Variants in CTXND1 observed in about 807,000 individuals in gnomAD.
CTXND1 encodes the protein cortexin domain containing 1.
chr15:80,201,706 C>T lies in CTXND1; in HGVS notation c.*64G>A, dbSNP rs1054756013. 1.5e-5 allele frequency: 6 copies of T among 398,170 alleles called. No individual in the cohort carries two copies. Among genetic ancestry groups the T allele is most frequent in the East Asian group, 1.1e-4 (3 of 28,094 alleles). The allele number at this position is 398,170 out of a possible 1,614,324, so 24.7% of individuals were successfully genotyped here. On this transcript the variant is annotated 3_prime_UTR_variant, in exon 3 of 3. Transcript: ENST00000560778. ...GGATGGCAGGCTGGCAGGGAACACA[C>T]GGATGCATCCTGGGGCACAGCCACC...
intron 1 of CTXND1, among the ~76,000 whole-genome samples, chr15:80,226,669 T>C (rs762427029): frequency 2.6e-5 from 4 of 152,202 alleles, no homozygotes; most frequent in Non-Finnish European, 5.9e-5. Flanking sequence ...CCTGGCGGCC[T>C]TCTGCTGCTC....
At chr15:80,245,308 G>C (rs972898067) in intron 1 of CTXND1, among the ~76,000 whole-genome samples, 2 of 152,152 alleles carry the variant, frequency 1.3e-5, no homozygotes. Context: ...TGTTTACATC[G>C]AGACTGATGT....
intron 1 of CTXND1, among the ~76,000 whole-genome samples, chr15:80,222,411 A>G (rs1048344540): frequency 6.6e-6 from 1 of 152,154 alleles, no homozygotes; most frequent in African/African-American, 2.4e-5. Flanking sequence ...AAGCTTTAAC[A>G]ATTAATGACT....
intron 1 of CTXND1, among the ~76,000 whole-genome samples, chr15:80,210,279 T>G (rs1267391511): frequency 6.6e-6 from 1 of 152,268 alleles, no homozygotes; most frequent in Admixed American, 6.5e-5. Context: ...TGAAGTTTAG[T>G]ATTAAGCATG....
At chr15:80,238,161 C>T (rs1003982174) in intron 1 of CTXND1, among the ~76,000 whole-genome samples, 12 of 152,048 alleles carry the variant, frequency 7.9e-5, no homozygotes, top group Admixed American at 1.3e-4. Flanking sequence ...TACTAGTACA[C>T]GGTAATGTCC....
chr15:80,229,231 G>T (rs1283382148), intron 1 of CTXND1, among the ~76,000 whole-genome samples: 1 of 152,160 alleles, frequency 6.6e-6, no homozygotes, highest in Admixed American at 6.5e-5. Flanking sequence ...ACCCTGACTG[G>T]GGCTGGAAGG....
intron 1 of CTXND1, among the ~76,000 whole-genome samples, chr15:80,204,673 A>ATATATATATATATATATAT (rs1893129743): frequency 1.6e-5 from 2 of 125,128 alleles, no homozygotes; most frequent in African/African-American, 7.3e-5. Flanking sequence ...ATATATATAT[A>ATATATATATATATATATAT]CCACATTTTG....
At chr15:80,241,418 A>G (rs374518314) in intron 1 of CTXND1, among the ~76,000 whole-genome samples, 25 of 152,134 alleles carry the variant, frequency 1.6e-4, no homozygotes, top group African/African-American at 6.0e-4. Context: ...TTCTATGTCG[A>G]GAGCCCACGG....
chr15:80,199,495 A>G lies in CTXND1; in HGVS notation c.*2275T>C, dbSNP rs2041437726. 1 of 152,272 alleles carries G rather than the reference A, an allele frequency of 6.6e-6. No homozygotes were observed. The highest frequency in any genetic ancestry group is 1.5e-5 in the Non-Finnish European group (1 of 68,072). The allele number at this position is 152,272 out of a possible 1,614,324, so 9.4% of individuals were successfully genotyped here. A position where few individuals can be genotyped will look rare whatever the true frequency, so the allele number is the denominator to read the frequency against. On this transcript the variant is annotated 3_prime_UTR_variant, in exon 3 of 3. Transcript: ENST00000560778. ...TGGTTCTAGTTTGCATTGTAAATGC[A>G]TGCTGATGAGCTTTTCACAGAAATG...
chr15:80,244,962 TC>T (rs1379911101), intron 1 of CTXND1, among the ~76,000 whole-genome samples: 8 of 152,154 alleles, frequency 5.3e-5, no homozygotes, highest in Non-Finnish European at 1.5e-5. Flanking sequence ...TCAGCCCAAA[TC>T]CCATTTATCA....
At chr15:80,234,171 G>A (rs998188370) in intron 1 of CTXND1, among the ~76,000 whole-genome samples, 2 of 152,148 alleles carry the variant, frequency 1.3e-5, no homozygotes, top group Non-Finnish European at 2.9e-5. Flanking sequence ...AAGCCCAGCC[G>A]TCTTACTTCA....
In CTXND1 at chr15:80,198,581, GCAA is replaced by G. The variant is rs1225835113; in HGVS notation, c.*3186_*3188del. On this transcript the variant is annotated 3_prime_UTR_variant, in exon 3 of 3. Coordinates refer to ENST00000560778, the MANE Select transcript of CTXND1 (RefSeq NM_001352888.2). ...CTCCTCTATGCTTCAGCAGCATAAT[GCAA>G]CAACTGAAGCCTGAGATTCCAGTTG... 1 of 152,192 alleles carries G rather than the reference GCAA, an allele frequency of 6.6e-6. No homozygotes were observed. The highest frequency in any genetic ancestry group is 1.5e-5 in the Non-Finnish European group (1 of 68,034). The allele number at this position is 152,192 out of a possible 1,614,324, so 9.4% of individuals were successfully genotyped here. A position where few individuals can be genotyped will look rare whatever the true frequency, so the allele number is the denominator to read the frequency against.
intron 1 of CTXND1, among the ~76,000 whole-genome samples, chr15:80,223,919 C>A (rs1024024667): frequency 6.6e-6 from 1 of 152,086 alleles, no homozygotes. Flanking sequence ...GTCCATGCGT[C>A]CCCCCATTGA....
At chr15:80,214,757 T>C (rs1893234549) in intron 1 of CTXND1, among the ~76,000 whole-genome samples, 1 of 152,176 alleles carries the variant, frequency 6.6e-6, no homozygotes, top group South Asian at 2.1e-4. Context: ...ATCCAGAAGA[T>C]GAGATTAGTA....
At chr15:80,248,701 G>T (rs1455093366) in intron 1 of CTXND1, among the ~76,000 whole-genome samples, 1 of 152,206 alleles carries the variant, frequency 6.6e-6, no homozygotes, top group African/African-American at 2.4e-5. Flanking sequence ...AGAAGCCAGG[G>T]TAGCCGGAGG....
At position 80,201,176 on chromosome 15, in the gene CTXND1, T is replaced by A. The variant is rs2041446996; in HGVS notation, c.*594A>T. The A allele has an allele frequency of 6.6e-6, 1 of 152,120 alleles. No individual in the cohort carries two copies. Among genetic ancestry groups the A allele is most frequent in the Admixed American group, 6.5e-5 (1 of 15,270 alleles). The allele number at this position is 152,120 out of a possible 1,614,324, so 9.4% of individuals were successfully genotyped here. A position where few individuals can be genotyped will look rare whatever the true frequency, so the allele number is the denominator to read the frequency against. On this transcript the variant is annotated 3_prime_UTR_variant, in exon 3 of 3. Transcript: ENST00000560778. ...TACATTTTATTTATAACAGGAAAAA[T>A]ATATCCCTCTATATTTTAGTTTAAA...
At chr15:80,224,333 A>G (rs918471694) in intron 1 of CTXND1, among the ~76,000 whole-genome samples, 2 of 152,228 alleles carry the variant, frequency 1.3e-5, no homozygotes, top group Non-Finnish European at 2.9e-5. Flanking sequence ...AATAATTGCT[A>G]TTGTTATAAG....
intron 1 of CTXND1, among the ~76,000 whole-genome samples, chr15:80,245,535 A>G (rs1893618619): frequency 1.3e-5 from 2 of 152,122 alleles, no homozygotes; most frequent in African/African-American, 4.8e-5. Flanking sequence ...TGCCTGGCAG[A>G]AGCCACGTGG....
At chr15:80,202,572 C>A (rs1363066399) in intron 2 of CTXND1, among the ~76,000 whole-genome samples, 1 of 152,196 alleles carries the variant, frequency 6.6e-6, no homozygotes, top group Admixed American at 6.5e-5. Flanking sequence ...GCCTTGGCCT[C>A]CCAAAGCATC....
Sources: allele counts gnomAD v4.1 joint callset (sites outside exome capture counted in the v4.1 genomes callset), GRCh38; gene constraint gnomAD v4.1.1; transcripts MANE v1.5; gene names NCBI Gene and HGNC (gene_info 2026-07-23, HGNC 2026-07-21).